ARFGEF1: variants seen among roughly 807,000 people sequenced by gnomAD.
The protein encoded by ARFGEF1 is ARF guanine nucleotide exchange factor 1, also known as brefeldin A-inhibited guanine nucleotide-exchange protein 1.
Under a neutral mutation model 231.0 loss-of-function variants are expected in ARFGEF1, and 42 were observed. The ratio of observed to expected loss-of-function variants is 0.18; its 90% CI spans 0.14 to 0.24. ARFGEF1 has a LOEUF of 0.24. ARFGEF1 is among the 10% of genes least tolerant of loss of function. The pLI, the probability that ARFGEF1 is intolerant of heterozygous loss-of-function variation, is 1.00. For synonymous variants in ARFGEF1, 710 were observed against 732.3 expected, an observed-to-expected ratio of 0.97 and a Z score of 0.49; for missense variants, 1,345 against 2,192.0, an observed-to-expected ratio of 0.61 and a Z score of 7.72.
intron 34 of ARFGEF1, among the ~76,000 whole-genome samples, chr8:67,211,172 C>G (rs1216379058): frequency 2.0e-5 from 3 of 150,778 alleles, no homozygotes; most frequent in Admixed American, 2.0e-4. Context: ...GGTGAAACCC[C>G]GTCTCGACTA....
At chr8:67,215,960 C>T (rs1009275475) in intron 33 of ARFGEF1, among the ~76,000 whole-genome samples, 6 of 152,186 alleles carry the variant, frequency 3.9e-5, no homozygotes, top group African/African-American at 1.2e-4. Flanking sequence ...TTCAGCTTTG[C>T]ATGGAGACAG....
At position 67,256,589 on chromosome 8, in the gene ARFGEF1, T is replaced by C. The variant is rs1156297109; in HGVS notation, c.2526+1143A>G. ...AAAGTAGGTAATTTATTTTACAACC[T>C]AAGCATAACAAATATCATCAGATAC... On this transcript the variant is annotated intron_variant, in intron 17 of 38. Transcript: ENST00000262215. Among the ~76,000 whole-genome samples, 4 of 152,292 alleles carry C rather than the reference T, an allele frequency of 2.6e-5. No individual in the cohort carries two copies. The East Asian group carries it at 7.7e-4, about 29-fold the overall frequency.
Position 67,277,368 on chromosome 8 carries a change from T to C in ARFGEF1, c.1117A>G (p.Asn373Asp). 6.2e-7 allele frequency: 1 copy of C among 1,613,840 alleles called. No individual in the cohort carries two copies. Among genetic ancestry groups the C allele is most frequent in the Non-Finnish European group, 8.5e-7 (1 of 1,179,840 alleles). ...GAAATTGGTGTTCCTGGAATTCCAT[T>C]TGCTTGAATATTTTCACTGTCACTA... Reference protein sequence around the residue: ...DGSDSENIQANGIPGTPISVA... With the variant: ...DGSDSENIQADGIPGTPISVA... The change falls in exon 8 of 39, where the codon AAT (asparagine) becomes GAT (aspartate). Residue 373 changes from asparagine (N) to aspartate (D), a missense_variant. By Grantham distance (23) the Asn-to-Asp change is conservative. Transcript: ENST00000262215.
At position 67,228,053 on chromosome 8, in the gene ARFGEF1, T is replaced by C. The variant is rs142801392; in HGVS notation, c.3501A>G (p.Gln1167=). The change falls in exon 25 of 39, where the codon CAA becomes CAG. Residue 1167 remains glutamine (Q), a synonymous_variant. Coordinates refer to ENST00000262215, the MANE Select transcript of ARFGEF1 (RefSeq NM_006421.5). ...TGTAATATGATATTTCTACTATTTT[T>C]TGTAGACTAAACATTCTTGGGTGTG... ...STTHPRMFSL[Q]KIVEISYYNM... is the part of the protein sequence containing the mutation. 5.1e-5 allele frequency: 82 copies of C among 1,609,096 alleles called. No homozygotes were observed. Among genetic ancestry groups the C allele is most frequent in the Non-Finnish European group, 6.6e-5 (78 of 1,178,584 alleles).
intron 6 of ARFGEF1, 78 bp from the exon 7 acceptor site, chr8:67,288,143 ACTC>A: frequency 1.2e-6 from 1 of 834,730 alleles, no homozygotes; most frequent in African/African-American, 1.8e-5. Context: ...TGATGAAAAA[ACTC>A]CTAAATCATG....
In ARFGEF1 at chr8:67,299,330, G is replaced by A. The variant is rs766359315; in HGVS notation, c.338C>T (p.Thr113Ile). ...TGTTGTACTATCTGGAGCATTGCCA[G>A]TCAAGTGCCCATAAGCAATAAGTTT... ...LQKLIAYGHL[T>I]GNAPDSTTPG... The change falls in exon 4 of 39, where the codon ACT becomes ATT. Residue 113 changes from threonine (T) to isoleucine (I), a missense_variant. Transcript: ENST00000262215. 6.2e-7 allele frequency: 1 copy of A among 1,605,636 alleles called. No homozygotes were observed. Among genetic ancestry groups the A allele is most frequent in the South Asian group, 1.1e-5 (1 of 88,290 alleles).
chr8:67,329,178 A>G (rs1807980358), intron 1 of ARFGEF1, among the ~76,000 whole-genome samples: 1 of 152,210 alleles, frequency 6.6e-6, no homozygotes, highest in Non-Finnish European at 1.5e-5. Context: ...GTGAGCCGAC[A>G]TGGCACCACC....
chr8:67,260,014 C>G, intron 14 of ARFGEF1, 88 bp from the exon 15 acceptor site: 2 of 771,904 alleles, frequency 2.6e-6, no homozygotes, highest in Admixed American at 5.3e-5. Flanking sequence ...TTTCTAATAG[C>G]ACCCAGAAAA....
chr8:67,190,985 G>GT (rs1386173806), intron 5 of ARFGEF1, among the ~76,000 whole-genome samples: 2 of 152,304 alleles, frequency 1.3e-5, no homozygotes, highest in African/African-American at 2.4e-5. Context: ...TGGGGTGGCT[G>GT]TAAGTAGCTC....
Position 67,197,990 on chromosome 8 carries a change from A to G in ARFGEF1, c.*944T>C. ...TGTACATAGAGTAAAATCTACATCAAGCCCCACCACCCAAAAGAAAAGAAA... is the reference window on the plus strand; with the variant it reads ...TGTACATAGAGTAAAATCTACATCAGGCCCCACCACCCAAAAGAAAAGAAA... On this transcript the variant is annotated 3_prime_UTR_variant, in exon 39 of 39. Transcript: ENST00000262215. 1 of 985,900 alleles carries G rather than the reference A, an allele frequency of 1.0e-6. No individual in the cohort carries two copies. Among genetic ancestry groups the G allele is most frequent in the Non-Finnish European group, 1.2e-6 (1 of 829,940 alleles). The allele number at this position is 985,900 out of a possible 1,614,324, so 61.1% of individuals were successfully genotyped here. A position where few individuals can be genotyped will look rare whatever the true frequency, so the allele number is the denominator to read the frequency against.
At chr8:67,311,332 G>T (rs9693683) in intron 1 of ARFGEF1, among the ~76,000 whole-genome samples, 3 of 128,820 alleles carry the variant, frequency 2.3e-5, no homozygotes, top group Non-Finnish European at 5.0e-5. Context: ...CATCCAGGAG[G>T]TGAGGGGCGC....
chr8:67,256,450 T>C (rs1462103595), intron 17 of ARFGEF1, among the ~76,000 whole-genome samples: 1 of 152,172 alleles, frequency 6.6e-6, no homozygotes, highest in African/African-American at 2.4e-5. Context: ...GTATATACTT[T>C]CCTTATCTAC....
chr8:67,281,143 A>T (rs1454971163), intron 7 of ARFGEF1, among the ~76,000 whole-genome samples: 2 of 152,266 alleles, frequency 1.3e-5, no homozygotes, highest in Non-Finnish European at 2.9e-5. Flanking sequence ...AAAATGGAAA[A>T]ACCCTTGTAA....
At position 67,198,923 on chromosome 8, in the gene ARFGEF1, T is replaced by C. The variant is rs958760640; in HGVS notation, c.*11A>G. On this transcript the variant is annotated 3_prime_UTR_variant, in exon 39 of 39. Transcript: ENST00000262215. ...AGGGATGTAAATGCCAACAAAAATA[T>C]TAAGTTCCCATCATTGCTTGTTTAT... is the stretch of plus-strand genomic sequence containing the variant. The C allele has an allele frequency of 5.6e-6, 9 of 1,611,620 alleles. No individual in the cohort carries two copies. Among genetic ancestry groups the C allele is most frequent in the African/African-American group, 1.3e-5 (1 of 74,798 alleles).
intron 19 of ARFGEF1, 22 bp downstream of exon 19, chr8:67,251,277 A>C: frequency 6.4e-7 from 1 of 1,573,112 alleles, no homozygotes; most frequent in East Asian, 2.3e-5. Context: ...ACTGCAATCA[A>C]ACATTACTTG....
At position 67,310,145 on chromosome 8, in the gene ARFGEF1, CCT is replaced by C. The variant is rs1409961196; in HGVS notation, c.125-7681_125-7680del. Among the ~76,000 whole-genome samples, 13 of 152,276 alleles carry C rather than the reference CCT, an allele frequency of 8.5e-5. No individual in the cohort carries two copies. In the East Asian group the frequency reaches 2.5e-3, roughly 29 times the overall value. On this transcript the variant is annotated intron_variant, in intron 1 of 38. Coordinates refer to ENST00000262215, the MANE Select transcript of ARFGEF1 (RefSeq NM_006421.5). ...GGTTTCCCTCTCTTTCCACGGTCTC[CCT>C]CTCATGCGGAGCCGAAGCTGGACTG...
intron 6 of ARFGEF1, among the ~76,000 whole-genome samples, chr8:67,289,735 C>T (rs1264859731): frequency 6.6e-6 from 1 of 151,926 alleles, no homozygotes; most frequent in African/African-American, 2.4e-5. Flanking sequence ...AATGAGCAAC[C>T]TTATTTTATA....
chr8:67,252,645 C>G (rs184102739), intron 18 of ARFGEF1, among the ~76,000 whole-genome samples: 8 of 152,156 alleles, frequency 5.3e-5, no homozygotes, highest in Non-Finnish European at 1.2e-4. Flanking sequence ...AGCCACTACC[C>G]TCATCTCATT....
chr8:67,260,070 TTA>T, intron 14 of ARFGEF1, 144 bp from the exon 15 acceptor site: 1 of 423,980 alleles, frequency 2.4e-6, no homozygotes, highest in Middle Eastern at 6.2e-4. Flanking sequence ...TACAAAATAA[TTA>T]CATTGTGCCA....
Sources: gnomAD v4.1 joint callset for allele counts (sites outside exome capture counted in the v4.1 genomes callset) on GRCh38, gnomAD v4.1.1 for gene constraint, MANE v1.5 for transcripts, NCBI Gene and HGNC (gene_info 2026-07-23, HGNC 2026-07-21) for gene names.